The following CTNNA3 variants were observed in gnomAD, a reference collection of about 807,000 sequenced individuals.
CTNNA3 encodes the protein catenin alpha 3, also known as catenin alpha-3.
Under a neutral mutation model 95.7 loss-of-function variants are expected in CTNNA3, and 76 were observed. That is an observed-to-expected ratio of 0.79 (90% CI 0.66 to 0.96). The LOEUF (loss-of-function observed/expected upper bound fraction) is 0.96, where lower values mean the gene tolerates loss of function less well. CTNNA3 is among the 40% of genes least tolerant of loss of function. CTNNA3 has a pLI of 0.00. For missense variants in CTNNA3, 1,191 were observed against 1,089.8 expected (o/e 1.09, Z -1.31); for synonymous variants, 431 against 374.4 (o/e 1.15, Z -1.74).
intron 7 of CTNNA3, among the ~76,000 whole-genome samples, chr10:67,132,957 G>A (rs1860095957): frequency 6.6e-6 from 1 of 151,724 alleles, no homozygotes; most frequent in African/African-American, 2.4e-5. Flanking sequence ...GTTGGTTGTG[G>A]GCACACACAT....
intron 14 of CTNNA3, among the ~76,000 whole-genome samples, chr10:66,092,506 T>A (rs1024313481): frequency 3.9e-5 from 6 of 151,926 alleles, no homozygotes; most frequent in Admixed American, 3.9e-4. Flanking sequence ...CCAAAAACAT[T>A]TTCTTCTCAG....
At chr10:67,346,746 C>T (rs1225645465) in intron 5 of CTNNA3, 2 of 503,372 alleles carry the variant, frequency 4.0e-6, no homozygotes, top group Non-Finnish European at 7.9e-6. Context: ...TATCTAATGT[C>T]AGGTCTCCTT....
intron 11 of CTNNA3, among the ~76,000 whole-genome samples, chr10:66,512,690 A>C (rs1213914070): frequency 6.6e-6 from 1 of 152,116 alleles, no homozygotes; most frequent in Non-Finnish European, 1.5e-5. Context: ...GGTTCAGTTT[A>C]ACAGTGATTA....
intron 7 of CTNNA3, among the ~76,000 whole-genome samples, chr10:66,998,955 A>G (rs954936811): frequency 9.9e-5 from 15 of 152,140 alleles, no homozygotes; most frequent in Non-Finnish European, 4.4e-5. Context: ...CATAAAGCAA[A>G]TCTCAATCAA....
intron 17 of CTNNA3, among the ~76,000 whole-genome samples, chr10:65,931,809 G>A (rs1310713136): frequency 3.3e-5 from 5 of 152,290 alleles, no homozygotes; most frequent in African/African-American, 4.8e-5. Context: ...CTGAGAGGAC[G>A]AGGTTCAAAC....
chr10:66,635,317 A>G (rs1048087025), intron 9 of CTNNA3, among the ~76,000 whole-genome samples: 1 of 152,154 alleles, frequency 6.6e-6, no homozygotes. Flanking sequence ...CTTTGTTGTC[A>G]CTGAGGTCAA....
chr10:66,337,243 A>G (rs905314656), intron 12 of CTNNA3, among the ~76,000 whole-genome samples: 23 of 152,132 alleles, frequency 1.5e-4, no homozygotes, highest in African/African-American at 3.9e-4. Context: ...TAATCTGCAT[A>G]CGAAGGCTTT....
At chr10:67,667,213 G>A (rs1470808520) in intron 1 of CTNNA3, among the ~76,000 whole-genome samples, 3 of 151,772 alleles carry the variant, frequency 2.0e-5, no homozygotes, top group Non-Finnish European at 2.9e-5. Context: ...ATAAACATGC[G>A]GTATTATGAC....
At chr10:66,251,276 G>A (rs2090541820) in intron 13 of CTNNA3, among the ~76,000 whole-genome samples, 1 of 148,984 alleles carries the variant, frequency 6.7e-6, no homozygotes, top group Non-Finnish European at 1.5e-5. Flanking sequence ...TATTCATGAA[G>A]CAATACCAAA....
At chr10:67,542,788 A>G (rs766606249) in intron 3 of CTNNA3, among the ~76,000 whole-genome samples, 30 of 152,260 alleles carry the variant, frequency 2.0e-4, no homozygotes, top group African/African-American at 5.5e-4. Context: ...AGGTATTGAC[A>G]ACGACAGCTG....
At chr10:66,217,888 A>G (rs1408805246) in intron 13 of CTNNA3, among the ~76,000 whole-genome samples, 1 of 151,722 alleles carries the variant, frequency 6.6e-6, no homozygotes, top group Non-Finnish European at 1.5e-5. Context: ...GAAGACTGAA[A>G]AACCAGACTG....
At chr10:66,378,888 T>C (rs2092814544) in intron 12 of CTNNA3, among the ~76,000 whole-genome samples, 1 of 152,244 alleles carries the variant, frequency 6.6e-6, no homozygotes, top group Non-Finnish European at 1.5e-5. Flanking sequence ...AAGGCATTAA[T>C]GAACATTCTA....
intron 7 of CTNNA3, among the ~76,000 whole-genome samples, chr10:66,871,520 C>T (rs1279751646): frequency 6.9e-6 from 1 of 144,416 alleles, no homozygotes; most frequent in African/African-American, 2.6e-5. Flanking sequence ...TGAGATCGCA[C>T]CACTGCACTC....
At chr10:66,052,574 A>C (rs1003362441) in intron 15 of CTNNA3, among the ~76,000 whole-genome samples, 1 of 152,080 alleles carries the variant, frequency 6.6e-6, no homozygotes, top group Non-Finnish European at 1.5e-5. Flanking sequence ...GAGTAGCAAA[A>C]ATTTACTGTC....
At chr10:66,527,621 A>T (rs1468898275) in intron 10 of CTNNA3, among the ~76,000 whole-genome samples, 1 of 152,184 alleles carries the variant, frequency 6.6e-6, no homozygotes, top group Admixed American at 6.5e-5. Context: ...AAAACTACAA[A>T]GGAAAAGACA....
chr10:66,387,145 C>T (rs548058707), intron 11 of CTNNA3, among the ~76,000 whole-genome samples: 177 of 152,196 alleles, frequency 1.2e-3, no homozygotes, highest in African/African-American at 4.0e-3. Flanking sequence ...AAACTACCAT[C>T]GGCGTGAACA....
chr10:66,006,646 T>C (rs1042583699), intron 15 of CTNNA3, among the ~76,000 whole-genome samples: 2 of 152,140 alleles, frequency 1.3e-5, no homozygotes, highest in Non-Finnish European at 2.9e-5. Flanking sequence ...GCCTGGGCAT[T>C]TTTTCCAGCT....
At chr10:66,860,653 T>C (rs1451413434) in intron 7 of CTNNA3, among the ~76,000 whole-genome samples, 1 of 152,194 alleles carries the variant, frequency 6.6e-6, no homozygotes, top group Non-Finnish European at 1.5e-5. Context: ...TCTATGCCAT[T>C]GCAGTATTTG....
At chr10:67,651,589 T>C (rs1273055637) in intron 1 of CTNNA3, among the ~76,000 whole-genome samples, 2 of 152,222 alleles carry the variant, frequency 1.3e-5, no homozygotes, top group African/African-American at 4.8e-5. Flanking sequence ...TTTCCAGATA[T>C]GTAATGATCA....
Sources: allele counts gnomAD v4.1 joint callset (sites outside exome capture counted in the v4.1 genomes callset), GRCh38; gene constraint gnomAD v4.1.1; transcripts MANE v1.5; gene names NCBI Gene and HGNC (gene_info 2026-07-23, HGNC 2026-07-21).